ERH: variants seen among roughly 807,000 people sequenced by gnomAD.
ERH encodes enhancer of rudimentary homolog.
In ERH, 1 loss-of-function variant was observed where a neutral mutation model predicts 16.8. That is an observed-to-expected ratio of 0.06 (90% CI 0.02 to 0.28). The LOEUF is 0.28. Ranked by LOEUF, ERH falls within the 10% of genes least tolerant of loss-of-function variation. The pLI is 1.00. For missense variants in ERH, 42 were observed against 127.5 expected (o/e 0.33, Z 3.23); for synonymous variants, 43 against 43.6 (o/e 0.99, Z 0.05).
chr14:69,386,806 C>T, intron 3 of ERH, 157 bp downstream of exon 3: 1 of 589,212 alleles, frequency 1.7e-6, no homozygotes, highest in Non-Finnish European at 2.7e-6. Context: ...TGTTGCCAAT[C>T]TCTTATTTCT....
At chr14:69,391,690 C>T (rs1882214930) in intron 2 of ERH, among the ~76,000 whole-genome samples, 1 of 133,962 alleles carries the variant, frequency 7.5e-6, no homozygotes, top group Middle Eastern at 3.5e-3. Context: ...AAGCATATTG[C>T]TAGGTTAAAG....
At chr14:69,390,284 G>A (rs2045916776) in intron 2 of ERH, among the ~76,000 whole-genome samples, 1 of 151,758 alleles carries the variant, frequency 6.6e-6, no homozygotes, top group Non-Finnish European at 1.5e-5. Flanking sequence ...AAACACTGGA[G>A]GATTCAAACT....
chr14:69,390,111 A>T (rs1184416644), intron 2 of ERH, among the ~76,000 whole-genome samples: 5 of 152,178 alleles, frequency 3.3e-5, no homozygotes, highest in African/African-American at 9.7e-5. Flanking sequence ...TCCCATGTTC[A>T]TGAGTTGGAA....
intron 1 of ERH, among the ~76,000 whole-genome samples, chr14:69,396,975 G>C (rs1174707449): frequency 2.0e-5 from 3 of 152,178 alleles, no homozygotes; most frequent in Non-Finnish European, 4.4e-5. Context: ...CTATACACTA[G>C]CTATCTCAAC....
In ERH at chr14:69,394,697, T is replaced by C. The variant is rs371128979; in HGVS notation, c.91+128A>G. The C allele has an allele frequency of 8.9e-6, 5 of 562,038 alleles. No individual in the cohort carries two copies. The East Asian group carries it at 1.5e-4, about 17-fold the overall frequency. 34.8% of individuals were successfully genotyped at this position (562,038 alleles called of 1,614,324 possible). ...TCCTAAAATTAGCAATTCAATAAAT[T>C]TGGAGGGTTGGAAGTGATAAAGGCA... On this transcript the variant is annotated intron_variant, in intron 2 of 3. Transcript: ENST00000557016.
intron 3 of ERH, among the ~76,000 whole-genome samples, chr14:69,382,789 C>CAAAAAAAAAAAAAAAAAAAAAAAAAA (rs1278831093): frequency 9.7e-6 from 1 of 103,134 alleles, no homozygotes; most frequent in African/African-American, 3.7e-5. Context: ...ACTCTATCTC[C>CAAAAAAAAAAAAAAAAAAAAAAAAAA]AAAAGAAAAA....
intron 1 of ERH, chr14:69,397,958 G>GT (rs2140236609): frequency 3.4e-6 from 2 of 590,064 alleles, no homozygotes; most frequent in South Asian, 4.0e-5. Flanking sequence ...CCTCTACCGA[G>GT]TAACAATCGG....
intron 2 of ERH, among the ~76,000 whole-genome samples, chr14:69,391,654 CAAAAAAAAAAAAAAAA>C (rs58399149): frequency 4.6e-5 from 1 of 21,944 alleles, no homozygotes; most frequent in African/African-American, 1.3e-4. Context: ...TCTCGCACGC[CAAAAAAAAAAAAAAAA>C]AAAAAAAAAA....
chr14:69,385,645 A>G (rs926053351), intron 3 of ERH, among the ~76,000 whole-genome samples: 1 of 135,322 alleles, frequency 7.4e-6, no homozygotes, highest in Non-Finnish European at 1.6e-5. Flanking sequence ...TTTAAATAAA[A>G]AAAAGGAAAA....
chr14:69,387,695 C>CAAAAAAAAAAA lies in ERH; in HGVS notation c.92-623_92-613dup, dbSNP rs57516317. Among the ~76,000 whole-genome samples, 218 of 113,340 alleles carry CAAAAAAAAAAA rather than the reference C, an allele frequency of 1.9e-3. 3 individuals are homozygous for CAAAAAAAAAAA. The highest frequency in any genetic ancestry group is 6.9e-3 in the African/African-American group (195 of 28,078). 74.4% of individuals were successfully genotyped at this position (113,340 alleles called of 152,430 possible). On this transcript the variant is annotated intron_variant, in intron 2 of 3. Transcript: ENST00000557016. ...AGTAATTCTTCCTAAAGCCACAGAG[C>CAAAAAAAAAAA]AAAAAAAAAAAAAAAATTGGCAACA... is the stretch of plus-strand genomic sequence containing the variant.
intron 2 of ERH, among the ~76,000 whole-genome samples, chr14:69,393,949 A>C (rs1449391017): frequency 6.6e-6 from 1 of 151,748 alleles, no homozygotes; most frequent in African/African-American, 2.4e-5. Flanking sequence ...TGAGCCCAGG[A>C]AACTGAGACT....
intron 3 of ERH, among the ~76,000 whole-genome samples, chr14:69,386,401 C>T (rs1415439150): frequency 6.6e-6 from 1 of 152,180 alleles, no homozygotes; most frequent in Non-Finnish European, 1.5e-5. Context: ...TATTTACACT[C>T]AATTTCTGTT....
rs2045853004 is a variant in ERH, at chr14:69,380,302, T to C, written c.*236A>G. 6 of 390,380 alleles carry C rather than the reference T, an allele frequency of 1.5e-5. No individual in the cohort carries two copies. The highest frequency in any genetic ancestry group is 8.8e-5 in the Admixed American group (2 of 22,830). The allele number at this position is 390,380 out of a possible 1,614,324, so 24.2% of individuals were successfully genotyped here. A position where few individuals can be genotyped will look rare whatever the true frequency, so the allele number is the denominator to read the frequency against. The stretch of plus-strand genomic sequence containing the variant: ...ATTAAGTGACGAAGAACAACTTCCA[T>C]CTAAATCATCATAAAAATGTTTAAG... On this transcript the variant is annotated 3_prime_UTR_variant, in exon 4 of 4. Coordinates refer to ENST00000557016, the MANE Select transcript of ERH (RefSeq NM_004450.3).
Position 69,385,651 on chromosome 14 carries a change from GAA to G in ERH, c.212+1310_212+1311del, listed in dbSNP as rs375731964. Among the ~76,000 whole-genome samples the G allele has an allele frequency of 3.6e-3, 456 of 126,478 alleles. 5 individuals carry two copies. Among genetic ancestry groups the G allele is most frequent in the African/African-American group, 0.012 (423 of 35,066 alleles). 83.0% of individuals were successfully genotyped at this position (126,478 alleles called of 152,430 possible). ...GCAAAATTCTTTAAATAAAAAAAAGGAAAAAAAAAAAAAAAGCAAGCCTGTAA... is the reference window on the plus strand; with the variant it reads ...GCAAAATTCTTTAAATAAAAAAAAGGAAAAAAAAAAAAAGCAAGCCTGTAA... On this transcript the variant is annotated intron_variant, in intron 3 of 3. Transcript: ENST00000557016.
At chr14:69,387,216 G>T in intron 2 of ERH, 133 bp from the exon 3 acceptor site, 1 of 666,684 alleles carries the variant, frequency 1.5e-6, no homozygotes, top group Non-Finnish European at 2.4e-6. Context: ...AAAGATGATA[G>T]ATTGATGGCT....
chr14:69,380,817 A>G (rs754879764), intron 3 of ERH, among the ~76,000 whole-genome samples, 177 bp from the exon 4 acceptor site: 2 of 152,248 alleles, frequency 1.3e-5, no homozygotes, highest in Non-Finnish European at 2.9e-5. Context: ...CATGAACTTT[A>G]TATCACCTAG....
At chr14:69,397,459 A>G (rs1458474409) in intron 1 of ERH, among the ~76,000 whole-genome samples, 1 of 152,080 alleles carries the variant, frequency 6.6e-6, no homozygotes. Context: ...CAGGAAAAAA[A>G]AAAAAAAGGC....
intron 2 of ERH, among the ~76,000 whole-genome samples, chr14:69,391,204 T>C (rs1001857731): frequency 1.3e-5 from 2 of 152,176 alleles, no homozygotes; most frequent in Admixed American, 6.5e-5. Context: ...TTATTCATAA[T>C]TGCCAAAAAA....
chr14:69,391,542 GGTGGC>G (rs1882210918), intron 2 of ERH, among the ~76,000 whole-genome samples: 1 of 151,572 alleles, frequency 6.6e-6, no homozygotes, highest in Non-Finnish European at 1.5e-5. Context: ...CAGCTACTTG[GGTGGC>G]TGAGGCAGGA....
Sources: allele counts gnomAD v4.1 joint callset (sites outside exome capture counted in the v4.1 genomes callset), GRCh38; gene constraint gnomAD v4.1.1; transcripts MANE v1.5; gene names NCBI Gene and HGNC (gene_info 2026-07-23, HGNC 2026-07-21).